KCTD1: variants seen among roughly 807,000 people sequenced by gnomAD.
The protein encoded by KCTD1 is potassium channel tetramerization domain containing 1.
A neutral mutation model predicts 66.0 loss-of-function variants in KCTD1; 24 were observed. The ratio of observed to expected loss-of-function variants is 0.36; its 90% confidence interval spans 0.26 to 0.51. The LOEUF (loss-of-function observed/expected upper bound fraction) is 0.51, where lower values mean the gene tolerates loss of function less well. KCTD1 is among the 20% of genes least tolerant of loss of function. The probability of loss-of-function intolerance (pLI) is 0.95; values close to 1 mark genes in which losing one functional copy is unlikely to be tolerated. For synonymous variants in KCTD1, 511 were observed against 517.2 expected (o/e 0.99, Z 0.16); for missense variants, 943 against 1,205.2 (o/e 0.78, Z 3.22).
At chr18:26,568,395 C>T (rs538662047) in intron 1 of KCTD1, among the ~76,000 whole-genome samples, 46 of 152,118 alleles carry the variant, frequency 3.0e-4, no homozygotes, top group African/African-American at 1.1e-3. Flanking sequence ...CACCACCACA[C>T]CCAGCTAATA....
At position 26,627,371 on chromosome 18, in the gene KCTD1, G is replaced by C. The variant is rs552340515; in HGVS notation, c.-16+1776C>G. Among the ~76,000 whole-genome samples, 3 of 151,834 alleles carry C rather than the reference G, an allele frequency of 2.0e-5. No homozygotes were observed. In the South Asian group the frequency reaches 6.2e-4, roughly 32 times the overall value. The stretch of plus-strand genomic sequence containing the variant: ...AACACACCAAGCTTCTAGATTTACT[G>C]TTTCGCTACCAGGGTGCATTTGAAA... On this transcript the variant is annotated intron_variant, in intron 1 of 4. Transcript: ENST00000317932.
chr18:26,599,177 G>A (rs1986834466), intron 1 of KCTD1, among the ~76,000 whole-genome samples: 3 of 152,088 alleles, frequency 2.0e-5, no homozygotes, highest in Non-Finnish European at 4.4e-5. Context: ...TTTTATAAAT[G>A]GTATAATGTA....
intron 1 of KCTD1, among the ~76,000 whole-genome samples, chr18:26,510,963 A>G (rs1983300762): frequency 6.6e-6 from 1 of 152,196 alleles, no homozygotes; most frequent in Non-Finnish European, 1.5e-5. Flanking sequence ...ATTAGTAGGG[A>G]TTAGGACTGG....
intron 1 of KCTD1, among the ~76,000 whole-genome samples, chr18:26,634,864 C>T (rs1033763685): frequency 9.9e-5 from 15 of 152,188 alleles, no homozygotes; most frequent in African/African-American, 3.6e-4. Context: ...GGCAGTCTAA[C>T]TCCACAAACC....
At chr18:26,525,174 G>A (rs1984096930) in intron 1 of KCTD1, among the ~76,000 whole-genome samples, 1 of 152,164 alleles carries the variant, frequency 6.6e-6, no homozygotes. Flanking sequence ...TTTTCTATCA[G>A]TATGGACTTT....
At chr18:26,467,834 A>C (rs1185794520) in intron 3 of KCTD1, among the ~76,000 whole-genome samples, 1 of 152,142 alleles carries the variant, frequency 6.6e-6, no homozygotes, top group Non-Finnish European at 1.5e-5. Flanking sequence ...AATTTTTTTT[A>C]AATTAATTAA....
intron 1 of KCTD1, chr18:26,629,067 G>A (rs781607720): frequency 1.4e-5 from 7 of 495,680 alleles, no homozygotes; most frequent in Non-Finnish European, 1.8e-5. Context: ...AGGAAGTGCT[G>A]GAGTTGTCTT....
intron 1 of KCTD1, among the ~76,000 whole-genome samples, chr18:26,597,054 T>A (rs796122270): frequency 1.2e-4 from 19 of 152,184 alleles, no homozygotes; most frequent in African/African-American, 4.3e-4. Context: ...CACTGGAGTC[T>A]CGGTGGGTAA....
rs1980325107 is a variant in KCTD1, at chr18:26,459,938, AAG to A, written c.2134-15_2134-14del. 2.6e-6 allele frequency: 4 copies of A among 1,549,032 alleles called. No homozygotes were observed. Among genetic ancestry groups the A allele is most frequent in the Non-Finnish European group, 2.6e-6 (3 of 1,148,478 alleles). On this transcript the variant is annotated splice_polypyrimidine_tract_variant and intron_variant, in intron 3 of 4. Transcript: ENST00000580059. ...ACAAAGTGTAGTCCTGGAAAAAAAAAAGGTATTTCACAGTGCAAACTGCAAAC... is the reference window on the plus strand; with the variant it reads ...ACAAAGTGTAGTCCTGGAAAAAAAAAGTATTTCACAGTGCAAACTGCAAAC...
chr18:26,629,240 G>A lies in KCTD1; in HGVS notation c.-109C>T, dbSNP rs1987567293. 3 of 984,876 alleles carry A rather than the reference G, an allele frequency of 3.0e-6. No homozygotes were observed. In the African/African-American group the frequency reaches 5.2e-5, roughly 17 times the overall value. The allele number at this position is 984,876 out of a possible 1,614,324, so 61.0% of individuals were successfully genotyped here. A position where few individuals can be genotyped will look rare whatever the true frequency, so the allele number is the denominator to read the frequency against. On this transcript the variant is annotated 5_prime_UTR_variant, in exon 1 of 5. Coordinates refer to the KCTD1 transcript ENST00000317932. ...GGAGAAAAAGCTAGTGACGGGAGCT[G>A]TAAAAGGAGAAAAGCGTAAAATTGG...
intron 1 of KCTD1, among the ~76,000 whole-genome samples, chr18:26,607,641 T>A (rs1182731026): frequency 2.6e-4 from 40 of 152,210 alleles, no homozygotes; most frequent in Non-Finnish European, 1.5e-5. Flanking sequence ...GGAGGATGTG[T>A]TTATACCTCT....
intron 1 of KCTD1, among the ~76,000 whole-genome samples, chr18:26,583,393 CAAAAAAAAAAAAAA>C (rs55720907): frequency 3.6e-5 from 3 of 83,826 alleles, no homozygotes; most frequent in African/African-American, 4.7e-5. Flanking sequence ...GACTTTGTCT[CAAAAAAAAAAAAAA>C]AAAAAAAAAA....
chr18:26,580,961 T>A (rs1465475186), intron 1 of KCTD1, among the ~76,000 whole-genome samples: 1 of 152,222 alleles, frequency 6.6e-6, no homozygotes, highest in Non-Finnish European at 1.5e-5. Flanking sequence ...GATGAGATTG[T>A]ATGGCCCACA....
At chr18:26,578,527 A>G (rs1014734768) in intron 1 of KCTD1, among the ~76,000 whole-genome samples, 4 of 152,188 alleles carry the variant, frequency 2.6e-5, no homozygotes, top group African/African-American at 9.7e-5. Context: ...AATTGTACCT[A>G]GCAAAGTACG....
upstream of KCTD1, among the ~76,000 whole-genome samples, chr18:26,643,738 A>G (rs575922152): frequency 6.0e-4 from 92 of 152,298 alleles, no homozygotes; most frequent in East Asian, 3.1e-3. Flanking sequence ...CAAGGCGGGC[A>G]TATCACGAGG....
At chr18:26,546,221 TCTTTAA>T (rs1317523556) in intron 1 of KCTD1, among the ~76,000 whole-genome samples, 9 of 128,124 alleles carry the variant, frequency 7.0e-5, no homozygotes, top group African/African-American at 2.8e-4. Flanking sequence ...CCACCCCTTT[TCTTTAA>T]AAAAAAAAAA....
intron 3 of KCTD1, among the ~76,000 whole-genome samples, chr18:26,464,749 A>G (rs375409020): frequency 6.6e-6 from 1 of 151,978 alleles, no homozygotes; most frequent in Admixed American, 6.6e-5. Flanking sequence ...AGCTCTCCTC[A>G]CCCCCAGGCT....
At chr18:26,494,527 G>C (rs1982368715) in intron 2 of KCTD1, among the ~76,000 whole-genome samples, 1 of 152,192 alleles carries the variant, frequency 6.6e-6, no homozygotes, top group South Asian at 2.1e-4. Flanking sequence ...AAGGAAGTTT[G>C]CTGAATCCAG....
chr18:26,465,760 C>A (rs1159440156), intron 3 of KCTD1, among the ~76,000 whole-genome samples: 1 of 152,134 alleles, frequency 6.6e-6, no homozygotes, highest in Non-Finnish European at 1.5e-5. Flanking sequence ...AGGAGCTAGG[C>A]CTGATGTCTA....
Sources: allele counts gnomAD v4.1 joint callset (sites outside exome capture counted in the v4.1 genomes callset), GRCh38; gene constraint gnomAD v4.1.1; transcripts MANE v1.5; gene names NCBI Gene and HGNC (gene_info 2026-07-23, HGNC 2026-07-21).